DEPDC4: variants seen among roughly 807,000 people sequenced by gnomAD.
DEPDC4 encodes the protein DEP domain-containing protein 4.
In DEPDC4, 52 loss-of-function variants were observed where a neutral mutation model predicts 52.0. The observed-to-expected ratio is 1.00, with a 90% CI of 0.80 to 1.26. DEPDC4 has a LOEUF of 1.26. DEPDC4 is among the 50% of genes most tolerant of loss of function. The probability of loss-of-function intolerance (pLI) is 0.00; values close to 1 mark genes in which losing one functional copy is unlikely to be tolerated. For missense variants in DEPDC4, 530 were observed against 546.9 expected, an observed-to-expected ratio of 0.97 and a Z score of 0.31; for synonymous variants, 201 against 196.8, an observed-to-expected ratio of 1.02 and a Z score of -0.18.
chr12:100,280,005 A>G, the DEPDC4 span, among the ~76,000 whole-genome samples: 9 of 152,296 alleles, frequency 5.9e-5, no homozygotes, highest in South Asian at 2.1e-4. Flanking sequence ...CAGCTTCTCA[A>G]TTCAGCTAGA....
At position 100,266,905 on chromosome 12, in the gene DEPDC4, G is replaced by C; in HGVS notation, c.157+15C>G. On this transcript the variant is annotated intron_variant, in intron 1 of 9. Transcript: ENST00000550587. ...CCACCTTCACTGCACATTTGGCTAGGATATACAGGGCTACCTGTCCTCCTT... is the reference window on the plus strand; with the variant it reads ...CCACCTTCACTGCACATTTGGCTAGCATATACAGGGCTACCTGTCCTCCTT... The C allele has an allele frequency of 1.3e-5, 21 of 1,611,258 alleles. No individual in the cohort carries two copies. Among genetic ancestry groups the C allele is most frequent in the Non-Finnish European group, 1.7e-5 (20 of 1,178,486 alleles).
rs1328481263 is a variant in DEPDC4 at position 100,251,571 on chromosome 12, CA to C, written c.1374+604del. Among the ~76,000 whole-genome samples, 8 of 150,702 alleles carry C rather than the reference CA, an allele frequency of 5.3e-5. No homozygotes were observed. The South Asian group carries it at 1.5e-3, about 28-fold the overall frequency. On this transcript the variant is annotated intron_variant, in intron 7 of 9. Transcript: ENST00000550587. ...CACAGGTGTGTGCCACCACCCCTGG[CA>C]TTTTTTTTTTTTTGAGGCGGAATCT...
At chr12:100,234,333 G>C (rs1466090273) in intron 9 of DEPDC4, among the ~76,000 whole-genome samples, 1 of 152,162 alleles carries the variant, frequency 6.6e-6, no homozygotes, top group Admixed American at 6.5e-5. Flanking sequence ...CAGGTCAGGG[G>C]TCAATGAATG....
At chr12:100,273,488 C>G in the DEPDC4 span, among the ~76,000 whole-genome samples, 1 of 152,140 alleles carries the variant, frequency 6.6e-6, no homozygotes, top group Non-Finnish European at 1.5e-5. Flanking sequence ...CCCAGTTTCT[C>G]ATATGGTATC....
At chr12:100,278,881 G>A in the DEPDC4 span, among the ~76,000 whole-genome samples, 1 of 152,084 alleles carries the variant, frequency 6.6e-6, no homozygotes, top group Non-Finnish European at 1.5e-5. Context: ...GCCTACCTCA[G>A]CCTCCCAAAG....
intron 5 of DEPDC4, among the ~76,000 whole-genome samples, chr12:100,252,880 AG>A (rs1406987876): frequency 6.6e-6 from 1 of 152,234 alleles, no homozygotes; most frequent in Admixed American, 6.5e-5. Context: ...TAGTATTTCT[AG>A]GTACCTCGGT....
At chr12:100,254,319 C>CT (rs67921438) in intron 4 of DEPDC4, among the ~76,000 whole-genome samples, 4,106 of 89,164 alleles carry the variant, frequency 0.046, 80 homozygotes, top group African/African-American at 0.065. Flanking sequence ...TTTTTTTTGA[C>CT]TTTTTTTTTT....
chr12:100,262,147 T>C, intron 3 of DEPDC4, 117 bp downstream of exon 3: 7 of 980,368 alleles, frequency 7.1e-6, no homozygotes, highest in Middle Eastern at 2.9e-4. Flanking sequence ...AAGGGGTATG[T>C]GGGAACTGTA....
intron 8 of DEPDC4, among the ~76,000 whole-genome samples, chr12:100,243,266 C>T (rs2096167868): frequency 6.6e-6 from 1 of 152,102 alleles, no homozygotes; most frequent in Non-Finnish European, 1.5e-5. Context: ...AAAATACCGT[C>T]TAATCGGTAC....
intron 5 of DEPDC4, among the ~76,000 whole-genome samples, 198 bp from the exon 6 acceptor site, chr12:100,252,734 G>C (rs759253283): frequency 1.4e-4 from 22 of 152,288 alleles, no homozygotes; most frequent in South Asian, 4.1e-4. Flanking sequence ...ATGCGATGTA[G>C]CTATATCCAG....
the DEPDC4 span, among the ~76,000 whole-genome samples, chr12:100,277,071 T>C: frequency 4.6e-5 from 7 of 152,210 alleles, no homozygotes; most frequent in East Asian, 1.3e-3. Context: ...CTATTATTGA[T>C]TTCTAGTTTA....
Position 100,262,624 on chromosome 12 carries a change from C to A in DEPDC4, c.555-215G>T, listed in dbSNP as rs1381970466. 2.0e-5 allele frequency among the ~76,000 whole-genome samples: 3 copies of A among 152,192 alleles called. No homozygotes were observed. In the East Asian group the frequency reaches 5.8e-4, roughly 29 times the overall value. On this transcript the variant is annotated intron_variant, in intron 2 of 9. Transcript: ENST00000550587. ...TAAATAAAGAAGAAAAGCATATATG[C>A]TAATTCTAAGGTTAACATAGTTGTT... is the stretch of plus-strand genomic sequence containing the variant.
the DEPDC4 span, among the ~76,000 whole-genome samples, chr12:100,281,033 T>TG: frequency 8.0e-4 from 108 of 135,098 alleles, 1 homozygote; most frequent in African/African-American, 2.8e-3. Flanking sequence ...TTTTTTTTTT[T>TG]TTTTTTTTTT....
At position 100,245,154 on chromosome 12, in the gene DEPDC4, G is replaced by C. The variant is rs186426004; in HGVS notation, c.1454-2585C>G. ...CAAAATGCTGGGATTACAGGTGTGA[G>C]CCACCACACCTGGCCCCATCCTTAT... On this transcript the variant is annotated intron_variant, in intron 8 of 9. Coordinates refer to ENST00000550587, the MANE Select transcript of DEPDC4 (RefSeq NM_001364818.2). Among the ~76,000 whole-genome samples, 28 of 152,178 alleles carry C rather than the reference G, an allele frequency of 1.8e-4. No individual in the cohort carries two copies. The East Asian group carries it at 5.0e-3, about 27-fold the overall frequency.
intron 7 of DEPDC4, among the ~76,000 whole-genome samples, chr12:100,250,648 G>C (rs778253845): frequency 2.6e-5 from 4 of 152,142 alleles, no homozygotes; most frequent in South Asian, 2.1e-4. Flanking sequence ...TGTAGAGGAG[G>C]GGGTAGAGTG....
chr12:100,249,568 A>C (rs780329165), intron 7 of DEPDC4, among the ~76,000 whole-genome samples: 2 of 152,212 alleles, frequency 1.3e-5, no homozygotes, highest in Non-Finnish European at 2.9e-5. Flanking sequence ...CCAGACTACT[A>C]TATGTATCTG....
rs1321816658 is a variant in DEPDC4, at chr12:100,253,569, G to A, written c.1025C>T (p.Ala342Val). ...ATCTCTCTCTTGAGCATAGTATTTT[G>A]CTATGACATCAAAGAGTATCTTCTT... is the stretch of plus-strand genomic sequence containing the variant. ...SQKKILFDVI[A>V]KYYAQERDCL... Residue 342 changes from alanine (A) to valine (V), a missense_variant, in exon 5 of 10, where the codon GCA becomes GTA. By Grantham distance (64) the Ala-to-Val change is moderately conservative. Transcript: ENST00000550587. 4 of 1,288,586 alleles carry A rather than the reference G, an allele frequency of 3.1e-6. No individual in the cohort carries two copies. The highest frequency in any genetic ancestry group is 4.0e-6 in the Non-Finnish European group (4 of 988,148). 79.8% of individuals were successfully genotyped at this position (1,288,586 alleles called of 1,614,324 possible). A position where few individuals can be genotyped will look rare whatever the true frequency, so the allele number is the denominator to read the frequency against.
chr12:100,261,889 AATGAGT>A, intron 3 of DEPDC4: 1 of 432,584 alleles, frequency 2.3e-6, no homozygotes, highest in Non-Finnish European at 4.6e-6. Flanking sequence ...AGAAGGGAGG[AATGAGT>A]AGGTAAAGCA....
At chr12:100,264,288 T>C (rs1335157379) in intron 1 of DEPDC4, among the ~76,000 whole-genome samples, 1 of 152,234 alleles carries the variant, frequency 6.6e-6, no homozygotes, top group Non-Finnish European at 1.5e-5. Flanking sequence ...TTCTTTTTTC[T>C]TTTTGCCCTT....
Sources: allele counts gnomAD v4.1 joint callset (sites outside exome capture counted in the v4.1 genomes callset), GRCh38; gene constraint gnomAD v4.1.1; transcripts MANE v1.5; gene names NCBI Gene and HGNC (gene_info 2026-07-23, HGNC 2026-07-21).